The following TCERG1L variants were observed in gnomAD, a reference collection of about 807,000 sequenced individuals.
TCERG1L encodes transcription elongation regulator 1-like protein.
TCERG1L carries 37 observed loss-of-function variants against 56.3 expected under a neutral mutation model. The observed-to-expected ratio is 0.66, with a 90% CI of 0.51 to 0.87. The LOEUF (loss-of-function observed/expected upper bound fraction) is 0.87, where lower values mean the gene tolerates loss of function less well. TCERG1L is among the 40% of genes least tolerant of loss of function. The pLI, the probability that TCERG1L is intolerant of heterozygous loss-of-function variation, is 0.00. For synonymous variants in TCERG1L, 324 were observed against 326.3 expected (o/e 0.99, Z 0.08); for missense variants, 799 against 774.2 (o/e 1.03, Z -0.38).
At chr10:131,248,065 TACTC>T (rs755089392) in intron 4 of TCERG1L, among the ~76,000 whole-genome samples, 34 of 151,224 alleles carry the variant, frequency 2.2e-4, no homozygotes, top group African/African-American at 7.8e-4. Context: ...CACACCCACA[TACTC>T]ACATGACTCA....
chr10:131,270,020 G>T (rs10829966), intron 3 of TCERG1L, among the ~76,000 whole-genome samples: 40,752 of 152,128 alleles, frequency 0.27, 6,121 homozygotes, highest in East Asian at 0.51. Flanking sequence ...ATCCAAATCC[G>T]TTTACTGATA....
chr10:131,171,203 G>A (rs1246296706), intron 4 of TCERG1L, among the ~76,000 whole-genome samples: 8 of 138,406 alleles, frequency 5.8e-5, no homozygotes, highest in Non-Finnish European at 1.1e-4. Context: ...AAGAAAAAAA[G>A]AAAGAAAAGT....
chr10:131,153,277 A>G (rs1346670936), intron 6 of TCERG1L, among the ~76,000 whole-genome samples: 1 of 152,150 alleles, frequency 6.6e-6, no homozygotes, highest in Admixed American at 6.5e-5. Context: ...AGCAGGACCC[A>G]CCTGAATTTC....
intron 3 of TCERG1L, among the ~76,000 whole-genome samples, chr10:131,282,905 A>T (rs1846477489): frequency 6.6e-6 from 1 of 152,250 alleles, no homozygotes. Flanking sequence ...ATTACTTCTC[A>T]TAAGTTCATT....
In TCERG1L at chr10:131,163,181, C is replaced by A. The variant is rs550346101; in HGVS notation, c.975G>T (p.Glu325Asp). Residue 325 changes from glutamate to aspartate, a missense_variant, in exon 6 of 12, where the codon GAG (glutamate) becomes GAT (aspartate). Transcript: ENST00000368642. The part of the protein sequence containing the change: ...KEPPPMLGGG[E>D]DSTARGNRPV... ...GCCTGTTGCCTCTGGCTGTGCTGTCCTCTCCTCCCCCCAGCATCGGTGGAG... is the reference window on the plus strand; with the variant it reads ...GCCTGTTGCCTCTGGCTGTGCTGTCATCTCCTCCCCCCAGCATCGGTGGAG... 2 of 1,566,706 alleles carry A rather than the reference C, an allele frequency of 1.3e-6. No homozygotes were observed. Among genetic ancestry groups the A allele is most frequent in the Admixed American group, 3.8e-5 (2 of 52,878 alleles).
chr10:131,100,624 C>A (rs545099783), intron 10 of TCERG1L, among the ~76,000 whole-genome samples: 1 of 152,146 alleles, frequency 6.6e-6, no homozygotes, highest in Admixed American at 6.5e-5. Context: ...TAGAAACAGG[C>A]CTGATTCACA....
Position 131,092,976 on chromosome 10 carries a change from A to G in TCERG1L, c.*186T>C. ...GTGATTAGAAATGCATCAAACTCTG[A>G]ATGTACAAAAGAGAGAGCTTCAATA... On this transcript the variant is annotated 3_prime_UTR_variant, in exon 12 of 12. Coordinates refer to ENST00000368642, the MANE Select transcript of TCERG1L (RefSeq NM_174937.4). The G allele has an allele frequency of 1.8e-6, 1 of 555,498 alleles. No individual in the cohort carries two copies. Among genetic ancestry groups the G allele is most frequent in the Non-Finnish European group, 3.1e-6 (1 of 320,328 alleles). The allele number at this position is 555,498 out of a possible 1,614,324, so 34.4% of individuals were successfully genotyped here. A position where few individuals can be genotyped will look rare whatever the true frequency, so the allele number is the denominator to read the frequency against.
At chr10:131,283,242 C>T (rs1307641343) in intron 3 of TCERG1L, among the ~76,000 whole-genome samples, 1 of 152,180 alleles carries the variant, frequency 6.6e-6, no homozygotes, top group Non-Finnish European at 1.5e-5. Flanking sequence ...AAGAAGTCGA[C>T]TTCTTTCCAT....
intron 3 of TCERG1L, among the ~76,000 whole-genome samples, chr10:131,307,724 CA>C (rs1846830595): frequency 6.6e-6 from 1 of 152,218 alleles, no homozygotes; most frequent in African/African-American, 2.4e-5. Flanking sequence ...AAAGATAGAA[CA>C]AAATCCATCT....
chr10:131,209,093 T>C (rs1845586782), intron 4 of TCERG1L, among the ~76,000 whole-genome samples: 1 of 151,738 alleles, frequency 6.6e-6, no homozygotes, highest in African/African-American at 2.4e-5. Context: ...AAAACTTTGT[T>C]TCAGGTACAA....
rs372389874 is a variant in TCERG1L at position 131,219,259 on chromosome 10, G to A, written c.856+41000C>T. Among the ~76,000 whole-genome samples, 29 of 152,304 alleles carry A rather than the reference G, an allele frequency of 1.9e-4. No individual in the cohort carries two copies. In the East Asian group the frequency reaches 4.3e-3, roughly 22 times the overall value. On this transcript the variant is annotated intron_variant, in intron 4 of 11. Transcript: ENST00000368642. ...GTCCCTGAGCCACAGGCCAATTCGG[G>A]AGCCTCTGCTTCCAGGAGAGCCCCT...
intron 3 of TCERG1L, among the ~76,000 whole-genome samples, chr10:131,289,534 G>GGT (rs9299881): frequency 6.7e-5 from 1 of 14,990 alleles, no homozygotes. Flanking sequence ...ATCTCCTATC[G>GGT]GTGTGTATGT....
At chr10:131,145,670 G>A (rs12257824) in intron 7 of TCERG1L, among the ~76,000 whole-genome samples, 2 of 152,130 alleles carry the variant, frequency 1.3e-5, no homozygotes, top group African/African-American at 2.4e-5. Context: ...CCTCAATGAC[G>A]TGAAATTAAA....
chr10:131,222,041 G>A (rs995543047), intron 4 of TCERG1L, among the ~76,000 whole-genome samples: 4 of 152,194 alleles, frequency 2.6e-5, no homozygotes, highest in Admixed American at 2.6e-4. Context: ...GTGTCTTGGG[G>A]TTAATCCACA....
At chr10:131,187,879 G>A (rs1429597958) in intron 4 of TCERG1L, among the ~76,000 whole-genome samples, 1 of 152,168 alleles carries the variant, frequency 6.6e-6, no homozygotes. Context: ...CAGAGGGGAG[G>A]GCTCCATGTG....
intron 4 of TCERG1L, among the ~76,000 whole-genome samples, chr10:131,234,681 T>A (rs973155887): frequency 6.6e-6 from 1 of 150,784 alleles, no homozygotes; most frequent in Non-Finnish European, 1.5e-5. Context: ...GATAATTTTG[T>A]TGTCGTTGTT....
intron 4 of TCERG1L, among the ~76,000 whole-genome samples, chr10:131,191,864 CAAAAAAAAAAAA>C (rs59816491): frequency 1.0e-4 from 3 of 28,704 alleles, no homozygotes; most frequent in Admixed American, 6.0e-4. Context: ...GACTCCGTCT[CAAAAAAAAAAAA>C]AAAAAAAAAA....
intron 6 of TCERG1L, among the ~76,000 whole-genome samples, chr10:131,148,577 TACAGACAC>T (rs1178848232): frequency 1.3e-4 from 12 of 92,576 alleles, no homozygotes; most frequent in African/African-American, 2.8e-4. Context: ...TACACACAAA[TACAGACAC>T]ACAGACACAC....
intron 3 of TCERG1L, among the ~76,000 whole-genome samples, chr10:131,285,502 AAG>A (rs1286649595): frequency 0.016 from 419 of 25,624 alleles, 12 homozygotes; most frequent in African/African-American, 0.028. Flanking sequence ...GAAAGAAAGA[AAG>A]AAAGAAAGAA....
Sources: gnomAD v4.1 joint callset for allele counts (sites outside exome capture counted in the v4.1 genomes callset) on GRCh38, gnomAD v4.1.1 for gene constraint, MANE v1.5 for transcripts, NCBI Gene and HGNC (gene_info 2026-07-23, HGNC 2026-07-21) for gene names.